The following CACNB4 variants were observed in gnomAD, a reference collection of about 807,000 sequenced individuals.
CACNB4 encodes the protein voltage-dependent L-type calcium channel subunit beta-4.
A neutral mutation model predicts 71.2 loss-of-function variants in CACNB4; 32 were observed. That is an observed-to-expected ratio of 0.45 (90% CI 0.34 to 0.60). The LOEUF is 0.60. CACNB4 is among the 20% of genes least tolerant of loss of function. CACNB4 has a pLI of 0.01. For synonymous variants in CACNB4, 231 were observed against 236.9 expected (o/e 0.97, Z 0.23); for missense variants, 464 against 647.9 (o/e 0.72, Z 3.08).
At chr2:151,943,803 T>A (rs75426076) in intron 2 of CACNB4, among the ~76,000 whole-genome samples, 3 of 152,204 alleles carry the variant, frequency 2.0e-5, no homozygotes, top group East Asian at 3.9e-4. Flanking sequence ...GATAGCCTTA[T>A]GCAAATATTC....
chr2:151,866,641 C>CAT (rs1224888599), intron 9 of CACNB4: 1 of 152,222 alleles, frequency 6.6e-6, no homozygotes, highest in Non-Finnish European at 1.5e-5. Flanking sequence ...TCAAAGTCTC[C>CAT]ACATACACTC....
chr2:152,000,484 G>A (rs748205375), intron 2 of CACNB4, among the ~76,000 whole-genome samples: 17 of 152,258 alleles, frequency 1.1e-4, no homozygotes, highest in Middle Eastern at 6.8e-3. Context: ...AACAGACACT[G>A]GAACATGATA....
intron 2 of CACNB4, among the ~76,000 whole-genome samples, chr2:151,902,111 T>C (rs1173577325): frequency 6.6e-6 from 1 of 151,590 alleles, no homozygotes; most frequent in Non-Finnish European, 1.5e-5. Context: ...CATAGTTCAT[T>C]GCAGCTTTGA....
intron 2 of CACNB4, among the ~76,000 whole-genome samples, chr2:151,942,567 G>A (rs973337419): frequency 4.0e-5 from 6 of 148,746 alleles, no homozygotes; most frequent in African/African-American, 5.2e-5. Flanking sequence ...TGCAGGGTCC[G>A]GCAAAAAGAG....
At chr2:152,001,732 A>G (rs935552858) in intron 2 of CACNB4, among the ~76,000 whole-genome samples, 8 of 151,376 alleles carry the variant, frequency 5.3e-5, no homozygotes, top group East Asian at 1.9e-4. Context: ...AAAAAAAAAA[A>G]AGAGAATGAG....
intron 8 of CACNB4, 95 bp downstream of exon 8, chr2:151,870,436 C>G: frequency 1.0e-6 from 1 of 1,004,008 alleles, no homozygotes; most frequent in Non-Finnish European, 1.5e-6. Flanking sequence ...TCCATCAGGA[C>G]CCACGTGGAA....
chr2:152,046,434 A>C (rs1192884845), intron 2 of CACNB4, among the ~76,000 whole-genome samples: 8 of 152,224 alleles, frequency 5.3e-5, no homozygotes, highest in African/African-American at 1.9e-4. Context: ...TAATCTCTCT[A>C]TAATTTCTTG....
At chr2:152,045,468 T>C (rs1255009534) in intron 2 of CACNB4, among the ~76,000 whole-genome samples, 1 of 152,160 alleles carries the variant, frequency 6.6e-6, no homozygotes, top group Non-Finnish European at 1.5e-5. Context: ...CTACCTACAG[T>C]AGTCAAATTT....
Position 152,098,579 on chromosome 2 carries a change from C to CCCCCCCAACAAA in CACNB4, c.64-167_64-166insTTTGTTGGGGGG. 3 of 943,714 alleles carry CCCCCCCAACAAA rather than the reference C, an allele frequency of 3.2e-6. No individual in the cohort carries two copies. The highest frequency in any genetic ancestry group is 5.1e-6 in the Non-Finnish European group (3 of 591,326). 58.5% of individuals were successfully genotyped at this position (943,714 alleles called of 1,614,324 possible). A position where few individuals can be genotyped will look rare whatever the true frequency, so the allele number is the denominator to read the frequency against. On this transcript the variant is annotated intron_variant, in intron 1 of 13. Coordinates refer to ENST00000539935, the MANE Select transcript of CACNB4 (RefSeq NM_000726.5). The surrounding 1 kb of genome is among the most constrained non-coding windows in gnomAD (Gnocchi z 5.3). ...CCCAAATACAGCCCCCACCCCCACC[C>CCCCCCCAACAAA]ACCCACTGCAAGCCTCGACTGCTGA...
intron 2 of CACNB4, among the ~76,000 whole-genome samples, chr2:152,095,070 G>T (rs574720752): frequency 6.6e-6 from 1 of 152,118 alleles, no homozygotes; most frequent in Non-Finnish European, 1.5e-5. Context: ...TCCTTTCAGC[G>T]GCAAAGTACT....
intron 2 of CACNB4, among the ~76,000 whole-genome samples, chr2:151,957,681 T>C (rs1421593092): frequency 2.0e-5 from 3 of 152,138 alleles, no homozygotes; most frequent in African/African-American, 7.2e-5. Context: ...GCCAAAAATA[T>C]GAATCCTAAG....
chr2:152,064,179 T>G (rs774104132), intron 2 of CACNB4, among the ~76,000 whole-genome samples: 1 of 152,190 alleles, frequency 6.6e-6, no homozygotes, highest in Non-Finnish European at 1.5e-5. Flanking sequence ...CTCTTAAAAT[T>G]CACATTGTTG....
intron 2 of CACNB4, among the ~76,000 whole-genome samples, chr2:152,007,548 T>C (rs1394167300): frequency 6.6e-6 from 1 of 152,220 alleles, no homozygotes; most frequent in East Asian, 1.9e-4. Context: ...GAGTCAAACT[T>C]TTCCCTCATT....
intron 2 of CACNB4, among the ~76,000 whole-genome samples, chr2:151,957,257 C>CGTGTATGTGTATGTGTGTGT (rs3068823): frequency 1.5e-5 from 2 of 131,782 alleles, no homozygotes; most frequent in South Asian, 2.5e-4. Context: ...AGTGGCTGGG[C>CGTGTATGTGTATGTGTGTGT]GTGTGTGTGT....
chr2:151,900,991 CTTT>C (rs869114252), intron 2 of CACNB4, among the ~76,000 whole-genome samples: 1 of 9,034 alleles, frequency 1.1e-4, no homozygotes, highest in East Asian at 3.8e-3. Flanking sequence ...TTCTTTCTTT[CTTT>C]TTTTTTTTTT....
At chr2:152,061,676 T>C (rs1274302462) in intron 2 of CACNB4, among the ~76,000 whole-genome samples, 2 of 150,766 alleles carry the variant, frequency 1.3e-5, no homozygotes, top group Non-Finnish European at 2.9e-5. Context: ...TTTCCAGATA[T>C]GACTGTCATC....
intron 2 of CACNB4, among the ~76,000 whole-genome samples, chr2:152,023,034 A>G (rs1159696283): frequency 6.6e-6 from 1 of 151,994 alleles, no homozygotes; most frequent in Non-Finnish European, 1.5e-5. Context: ...GACTGGGAAA[A>G]CCTCAGGAAA....
intron 2 of CACNB4, among the ~76,000 whole-genome samples, chr2:152,026,379 C>CT (rs66836499): frequency 3.2e-4 from 48 of 149,714 alleles, no homozygotes; most frequent in East Asian, 1.8e-3. Flanking sequence ...TCTCTAGTCC[C>CT]TTTTTTTTTT....
At chr2:152,071,794 G>T (rs1335387911) in intron 2 of CACNB4, among the ~76,000 whole-genome samples, 1 of 152,266 alleles carries the variant, frequency 6.6e-6, no homozygotes, top group African/African-American at 2.4e-5. Context: ...TTTTCTAAAG[G>T]CATCTAATAT....
Sources: allele counts gnomAD v4.1 joint callset (sites outside exome capture counted in the v4.1 genomes callset), GRCh38; gene constraint gnomAD v4.1.1; non-coding constraint Gnocchi (gnomAD v3.1); transcripts MANE v1.5; gene names NCBI Gene and HGNC (gene_info 2026-07-23, HGNC 2026-07-21).